The following FANCC variants were observed in gnomAD, a reference collection of about 807,000 sequenced individuals.
FANCC encodes Fanconi anemia group C protein.
In FANCC, 55 loss-of-function variants were observed where a neutral mutation model predicts 71.3. The ratio of observed to expected loss-of-function variants is 0.77; its 90% confidence interval spans 0.62 to 0.97. The LOEUF is 0.97. FANCC is among the 50% of genes least tolerant of loss of function. The pLI, the probability that FANCC is intolerant of heterozygous loss-of-function variation, is 0.00. For synonymous variants in FANCC, 275 were observed against 244.9 expected (o/e 1.12, Z -1.15); for missense variants, 678 against 670.9 (o/e 1.01, Z -0.12).
chr9:95,307,853 C>T (rs1835155079), intron 1 of FANCC, among the ~76,000 whole-genome samples: 1 of 152,152 alleles, frequency 6.6e-6, no homozygotes. Context: ...TGCTGCTATA[C>T]CAGAATATGT....
chr9:95,125,217 T>C, intron 9 of FANCC, 32 bp from the exon 10 acceptor site: 1 of 1,564,482 alleles, frequency 6.4e-7, no homozygotes. Flanking sequence ...CAGAACACGT[T>C]TAACAAGTAA....
intron 13 of FANCC, 150 bp downstream of exon 13, chr9:95,111,313 A>G: frequency 6.3e-7 from 1 of 1,592,716 alleles, no homozygotes; most frequent in African/African-American, 1.3e-5. Context: ...GCTGGAGATC[A>G]CCATGCCTGC....
At chr9:95,157,895 C>A (rs2135493926) in intron 6 of FANCC, among the ~76,000 whole-genome samples, 1 of 152,296 alleles carries the variant, frequency 6.6e-6, no homozygotes, top group African/African-American at 2.4e-5. Flanking sequence ...TAATCTGCAG[C>A]CATGAACTGC....
intron 6 of FANCC, among the ~76,000 whole-genome samples, chr9:95,169,628 C>T (rs933025915): frequency 3.0e-4 from 46 of 152,170 alleles, no homozygotes; most frequent in African/African-American, 1.0e-3. Context: ...TGGAAAAGGG[C>T]TATCACAGTT....
At chr9:95,292,820 G>A in intron 1 of FANCC, 1 of 1,580,282 alleles carries the variant, frequency 6.3e-7, no homozygotes, top group South Asian at 1.1e-5. Context: ...TCCATGCTGA[G>A]AAGAAGCACA....
intron 4 of FANCC, among the ~76,000 whole-genome samples, chr9:95,177,894 C>T (rs533661724): frequency 6.6e-6 from 1 of 152,214 alleles, no homozygotes; most frequent in African/African-American, 2.4e-5. Flanking sequence ...TCCCCCAAGA[C>T]ACTGAGACTC....
chr9:95,247,199 G>A (rs1453600265), intron 3 of FANCC, among the ~76,000 whole-genome samples: 1 of 145,820 alleles, frequency 6.9e-6, no homozygotes, highest in East Asian at 2.1e-4. Context: ...AGATCTGCAT[G>A]GGTGCGTGCA....
chr9:95,117,776 T>C lies in FANCC; in HGVS notation c.997-386A>G, dbSNP rs962262709. The stretch of plus-strand genomic sequence containing the variant: ...TTTGCTCTTGCTGCCCAGGCTGGAG[T>C]GCAATGGCGCGATCTCAGCTCACCG... On this transcript the variant is annotated intron_variant, in intron 10 of 14. Coordinates refer to ENST00000289081, the MANE Select transcript of FANCC (RefSeq NM_000136.3). Among the ~76,000 whole-genome samples the C allele has an allele frequency of 3.4e-5, 5 of 148,352 alleles. No homozygotes were observed. The East Asian group carries it at 8.0e-4, about 24-fold the overall frequency.
chr9:95,224,899 ATAGAG>A (rs1829518427), intron 4 of FANCC, among the ~76,000 whole-genome samples: 1 of 152,316 alleles, frequency 6.6e-6, no homozygotes, highest in South Asian at 2.1e-4. Flanking sequence ...TATGTCTACC[ATAGAG>A]TAAAGTACTA....
intron 6 of FANCC, among the ~76,000 whole-genome samples, chr9:95,164,893 C>T (rs1167217050): frequency 3.3e-5 from 5 of 152,104 alleles, no homozygotes; most frequent in African/African-American, 1.2e-4. Context: ...ATAGAATTCT[C>T]CAGTGAAGCC....
At chr9:95,170,935 T>C in intron 6 of FANCC, 144 bp downstream of exon 6, 1 of 690,034 alleles carries the variant, frequency 1.4e-6, no homozygotes, top group Admixed American at 2.3e-5. Context: ...ACCAATTTGC[T>C]ATGTATTCCA....
intron 4 of FANCC, among the ~76,000 whole-genome samples, chr9:95,194,185 A>T (rs1827276324): frequency 6.6e-6 from 1 of 152,138 alleles, no homozygotes; most frequent in South Asian, 2.1e-4. Context: ...TTGGAGATGG[A>T]GGATTACTTT....
chr9:95,108,041 A>G (rs903979794), intron 13 of FANCC, among the ~76,000 whole-genome samples: 2 of 152,248 alleles, frequency 1.3e-5, no homozygotes, highest in Non-Finnish European at 2.9e-5. Flanking sequence ...CAAATGCCAC[A>G]TGGAACTCGT....
At chr9:95,222,476 A>G (rs1829341837) in intron 4 of FANCC, among the ~76,000 whole-genome samples, 1 of 152,196 alleles carries the variant, frequency 6.6e-6, no homozygotes, top group African/African-American at 2.4e-5. Flanking sequence ...TGGCTAACTG[A>G]GACCAGAGTT....
At chr9:95,178,570 C>T (rs897947477) in intron 4 of FANCC, among the ~76,000 whole-genome samples, 4 of 152,222 alleles carry the variant, frequency 2.6e-5, no homozygotes, top group African/African-American at 4.8e-5. Flanking sequence ...GACCTCCATT[C>T]GCACAACCAG....
chr9:95,163,824 G>C (rs1260366981), intron 6 of FANCC, among the ~76,000 whole-genome samples: 1 of 152,162 alleles, frequency 6.6e-6, no homozygotes, highest in East Asian at 1.9e-4. Flanking sequence ...ATGCCAGCCT[G>C]GGCAACAAGA....
chr9:95,128,407 G>C (rs1826339746), intron 8 of FANCC, among the ~76,000 whole-genome samples: 2 of 152,238 alleles, frequency 1.3e-5, no homozygotes, highest in Admixed American at 1.3e-4. Flanking sequence ...TTGATAGAAA[G>C]TAAGATGAAA....
intron 13 of FANCC, chr9:95,107,525 T>C (rs1314573543): frequency 1.7e-6 from 1 of 571,664 alleles, no homozygotes. Flanking sequence ...TTTTTTTGTA[T>C]AAAAGGAAAC....
At chr9:95,138,431 A>G (rs1182118937) in intron 7 of FANCC, among the ~76,000 whole-genome samples, 1 of 152,176 alleles carries the variant, frequency 6.6e-6, no homozygotes, top group East Asian at 1.9e-4. Context: ...TCCAGTAATC[A>G]TGGGGAAGCA....
Sources: allele counts gnomAD v4.1 joint callset (sites outside exome capture counted in the v4.1 genomes callset), GRCh38; gene constraint gnomAD v4.1.1; transcripts MANE v1.5; gene names NCBI Gene and HGNC (gene_info 2026-07-23, HGNC 2026-07-21).